Variants in ZNF664 observed in about 807,000 individuals in gnomAD.
ZNF664 encodes zinc finger Organ of Corti 1.
ZNF664 carries 10 observed loss-of-function variants against 18.2 expected under a neutral mutation model. That is an observed-to-expected ratio of 0.55 (90% CI 0.34 to 0.93). The LOEUF (loss-of-function observed/expected upper bound fraction) is 0.93. Ranked by LOEUF, ZNF664 falls within the 40% of genes least tolerant of loss-of-function variation. The probability of loss-of-function intolerance (pLI) is 0.02; values close to 1 mark genes in which losing one functional copy is unlikely to be tolerated. For missense variants in ZNF664, 193 were observed against 319.0 expected (o/e 0.61, Z 3.01); for synonymous variants, 119 against 104.2 (o/e 1.14, Z -0.86).
At chr12:123,991,898 C>G (rs970185500) in intron 3 of ZNF664, among the ~76,000 whole-genome samples, 4 of 152,242 alleles carry the variant, frequency 2.6e-5, no homozygotes, top group African/African-American at 9.6e-5. Context: ...TTGCCCTTCT[C>G]TGGACCTAAT....
intron 3 of ZNF664, among the ~76,000 whole-genome samples, chr12:123,995,370 A>G (rs191979427): frequency 1.3e-5 from 2 of 152,348 alleles, no homozygotes; most frequent in Admixed American, 6.5e-5. Context: ...GGATCCTGCT[A>G]AAATGCAATT....
chr12:123,981,026 C>G (rs1185551915), intron 2 of ZNF664, among the ~76,000 whole-genome samples: 1 of 152,022 alleles, frequency 6.6e-6, no homozygotes, highest in Non-Finnish European at 1.5e-5. Context: ...TAAGAACAAT[C>G]CATTTTGCAT....
chr12:123,998,027 A>T (rs927772388), intron 3 of ZNF664, among the ~76,000 whole-genome samples: 1 of 152,148 alleles, frequency 6.6e-6, no homozygotes, highest in Non-Finnish European at 1.5e-5. Flanking sequence ...GGAGCCAAAG[A>T]GTGTTCCCTG....
chr12:123,973,496 C>G (rs920696739), intron 1 of ZNF664, 144 bp downstream of exon 1: 2 of 465,492 alleles, frequency 4.3e-6, no homozygotes, highest in African/African-American at 4.2e-5. Context: ...GGATGGGCCT[C>G]GGGATGGCGG....
intron 3 of ZNF664, among the ~76,000 whole-genome samples, chr12:124,011,072 C>G (rs999160893): frequency 3.9e-5 from 6 of 152,208 alleles, no homozygotes; most frequent in African/African-American, 1.4e-4. Flanking sequence ...AGGAGAATGA[C>G]ATTTGATACC....
At chr12:124,000,578 A>T (rs1956999875) in intron 3 of ZNF664, among the ~76,000 whole-genome samples, 1 of 152,240 alleles carries the variant, frequency 6.6e-6, no homozygotes, top group African/African-American at 2.4e-5. Flanking sequence ...TTTCACAGCT[A>T]TGAGTTGAGC....
At chr12:123,974,083 C>G (rs773422769) in intron 2 of ZNF664, 63 bp downstream of exon 2, 76 of 1,116,780 alleles carry the variant, frequency 6.8e-5, no homozygotes, top group Non-Finnish European at 7.8e-5. Flanking sequence ...CGTTCTCACC[C>G]CTTCCAGGAC....
In ZNF664 at chr12:123,973,329, G is replaced by C. The variant is rs999830871; in HGVS notation, c.-915G>C. 110 of 867,144 alleles carry C rather than the reference G, an allele frequency of 1.3e-4. No individual in the cohort carries two copies. Among genetic ancestry groups the C allele is most frequent in the South Asian group, 4.2e-4 (8 of 18,868 alleles). The allele number at this position is 867,144 out of a possible 1,614,324, so 53.7% of individuals were successfully genotyped here. A position where few individuals can be genotyped will look rare whatever the true frequency, so the allele number is the denominator to read the frequency against. On this transcript the variant is annotated 5_prime_UTR_variant, in exon 1 of 5. Coordinates refer to ENST00000337815, the MANE Select transcript of ZNF664 (RefSeq NM_152437.3). The stretch of plus-strand genomic sequence containing the variant: ...GTGGGTGCGCGGCGCCCGCGGCCTG[G>C]GGCGCTGACTCCCCTCACTTGGAGT...
intron 3 of ZNF664, among the ~76,000 whole-genome samples, chr12:123,996,012 G>A (rs1229865582): frequency 6.6e-6 from 1 of 152,184 alleles, no homozygotes; most frequent in Non-Finnish European, 1.5e-5. Context: ...GGAAGTTAGA[G>A]TGCAGTTAGG....
At chr12:124,001,710 A>G (rs1262579594) in intron 3 of ZNF664, among the ~76,000 whole-genome samples, 2 of 152,168 alleles carry the variant, frequency 1.3e-5, no homozygotes, top group Non-Finnish European at 2.9e-5. Context: ...ACATAGATTT[A>G]TTTGACATTT....
In ZNF664 at chr12:124,012,485, C is replaced by T. The variant is rs1347686552; in HGVS notation, c.341C>T (p.Pro114Leu). ...IHMRVHTGEK[P>L]YVCSECGRGF... is the part of the protein sequence containing the mutation. ...ATGAGAGTTCATACAGGTGAGAAAC[C>T]GTATGTCTGTAGTGAGTGTGGAAGG... Residue 114 changes from proline (P) to leucine (L), a missense_variant, in exon 5 of 5, where the codon CCG (proline) becomes CTG (leucine). Physicochemically the swap from Pro to Leu is moderately conservative, Grantham distance 98. This residue lies in a region of ZNF664 where 61 missense variants were observed against 153.7 expected (regional missense o/e 0.40). Coordinates refer to ENST00000337815, the MANE Select transcript of ZNF664 (RefSeq NM_152437.3). 4 of 1,614,024 alleles carry T rather than the reference C, an allele frequency of 2.5e-6. No homozygotes were observed. Among genetic ancestry groups the T allele is most frequent in the Non-Finnish European group, 3.4e-6 (4 of 1,180,042 alleles).
chr12:124,005,483 A>ATGTGTGTGTGTGTGTG (rs202223166), intron 3 of ZNF664, among the ~76,000 whole-genome samples: 32 of 142,922 alleles, frequency 2.2e-4, no homozygotes, highest in African/African-American at 6.9e-4. Context: ...AATTTATAGA[A>ATGTGTGTGTGTGTGTG]TGTGTGTGTG....
Position 124,012,891 on chromosome 12 carries a change from C to T in ZNF664, c.747C>T (p.His249=), listed in dbSNP as rs1957149005. 3.1e-6 allele frequency: 5 copies of T among 1,614,190 alleles called. No homozygotes were observed. Among genetic ancestry groups the T allele is most frequent in the Non-Finnish European group, 4.2e-6 (5 of 1,180,034 alleles). The part of the protein sequence containing the change: ...STSLCIHQRV[H]TKERNHLKIS... ...GCCTCTGCATCCACCAGAGAGTCCA[C>T]ACAAAGGAGAGAAACCATCTCAAAA... Residue 249 remains histidine (H), a synonymous_variant, in exon 5 of 5, where the codon CAC becomes CAT. Coordinates refer to ENST00000337815, the MANE Select transcript of ZNF664 (RefSeq NM_152437.3).
In ZNF664 at chr12:124,011,905, G is replaced by T; in HGVS notation, c.-240G>T. Reference sequence around the variant, plus strand: ...GTTAATGAGTTACAGAATTCACGTGGAAGTCAATGTCACTTTATAATCGAT... The same window carrying T: ...GTTAATGAGTTACAGAATTCACGTGTAAGTCAATGTCACTTTATAATCGAT... On this transcript the variant is annotated 5_prime_UTR_variant, in exon 5 of 5. The change creates a premature stop within an existing upstream ORF in the 5' untranslated region. Transcript: ENST00000337815. 1 of 1,308,502 alleles carries T rather than the reference G, an allele frequency of 7.6e-7. No homozygotes were observed. 81.1% of individuals were successfully genotyped at this position (1,308,502 alleles called of 1,614,324 possible).
At chr12:123,996,991 T>C (rs1489309346) in intron 3 of ZNF664, among the ~76,000 whole-genome samples, 1 of 152,242 alleles carries the variant, frequency 6.6e-6, no homozygotes, top group Non-Finnish European at 1.5e-5. Context: ...AGACTGTAGA[T>C]ACTGTTTGTG....
intron 2 of ZNF664, among the ~76,000 whole-genome samples, chr12:123,985,169 A>T (rs548617189): frequency 2.6e-5 from 4 of 152,128 alleles, no homozygotes; most frequent in African/African-American, 9.7e-5. Flanking sequence ...TAGTCGGGGG[A>T]TGGCTCCAGA....
intron 3 of ZNF664, among the ~76,000 whole-genome samples, chr12:123,994,245 C>A (rs796320852): frequency 2.0e-5 from 3 of 152,204 alleles, no homozygotes; most frequent in African/African-American, 7.2e-5. Flanking sequence ...GATTCTCAAC[C>A]CCTTTTTGTG....
intron 3 of ZNF664, among the ~76,000 whole-genome samples, chr12:124,001,096 T>A (rs1957006152): frequency 6.6e-6 from 1 of 152,190 alleles, no homozygotes; most frequent in African/African-American, 2.4e-5. Context: ...ATCCAGTTAT[T>A]CAAATAAAAG....
At chr12:123,974,959 T>C (rs903226767) in intron 2 of ZNF664, among the ~76,000 whole-genome samples, 1 of 152,208 alleles carries the variant, frequency 6.6e-6, no homozygotes, top group Non-Finnish European at 1.5e-5. Context: ...TTATCGAGAT[T>C]CGGCATTTAT....
Sources: allele counts gnomAD v4.1 joint callset (sites outside exome capture counted in the v4.1 genomes callset), GRCh38; gene constraint gnomAD v4.1.1; regional missense constraint gnomAD v4.1.1; transcripts MANE v1.5; gene names NCBI Gene and HGNC (gene_info 2026-07-23, HGNC 2026-07-21).